Variants in COX16 observed in about 807,000 individuals in gnomAD.
COX16 encodes the protein cytochrome c oxidase assembly factor COX16, also known as cytochrome c oxidase assembly protein COX16 homolog, mitochondrial.
In COX16, 12 loss-of-function variants were observed where a neutral mutation model predicts 15.4. The ratio of observed to expected loss-of-function variants is 0.78; its 90% CI spans 0.50 to 1.26. COX16 has a LOEUF of 1.26. Ranked by LOEUF, COX16 falls within the 50% of genes most tolerant of loss-of-function variation. COX16 has a pLI of 0.00. For synonymous variants in COX16, 46 were observed against 41.1 expected, an observed-to-expected ratio of 1.12 and a Z score of -0.46; for missense variants, 124 against 127.6, an observed-to-expected ratio of 0.97 and a Z score of 0.14.
intron 2 of COX16, among the ~76,000 whole-genome samples, chr14:70,336,677 A>C (rs980899141): frequency 3.3e-5 from 5 of 152,194 alleles, no homozygotes; most frequent in Admixed American, 6.5e-5. Flanking sequence ...TATTATTGAG[A>C]GATATATCTG....
chr14:70,343,371 C>G (rs1268145409), intron 1 of COX16, among the ~76,000 whole-genome samples: 1 of 152,188 alleles, frequency 6.6e-6, no homozygotes, highest in East Asian at 1.9e-4. Flanking sequence ...TTTCTTTGTT[C>G]AAATAAACTC....
At chr14:70,350,547 A>G (rs533273199) in intron 1 of COX16, among the ~76,000 whole-genome samples, 1 of 152,352 alleles carries the variant, frequency 6.6e-6, no homozygotes, top group Non-Finnish European at 1.5e-5. Flanking sequence ...CAGCTAACTA[A>G]GAGTTATCTT....
chr14:70,328,686 ATTG>A (rs1471465326), intron 3 of COX16, among the ~76,000 whole-genome samples: 5 of 152,308 alleles, frequency 3.3e-5, no homozygotes, highest in African/African-American at 7.2e-5. Flanking sequence ...GAACAAATGA[ATTG>A]TTGAACTTTT....
At chr14:70,346,209 G>C (rs779353753) in intron 1 of COX16, among the ~76,000 whole-genome samples, 2 of 152,188 alleles carry the variant, frequency 1.3e-5, no homozygotes, top group African/African-American at 2.4e-5. Flanking sequence ...GAAGCTTGAT[G>C]ATGGCCCTCA....
intron 2 of COX16, among the ~76,000 whole-genome samples, chr14:70,340,956 T>C (rs1594916540): frequency 6.6e-6 from 1 of 152,178 alleles, no homozygotes; most frequent in South Asian, 2.1e-4. Flanking sequence ...TCTGGGTACA[T>C]TTTTTTAATT....
intron 2 of COX16, among the ~76,000 whole-genome samples, chr14:70,341,515 T>C (rs574370380): frequency 6.6e-6 from 1 of 152,298 alleles, no homozygotes; most frequent in Admixed American, 6.5e-5. Flanking sequence ...AAACCAGAGT[T>C]CTTATGTGTC....
chr14:70,353,218 G>A (rs1284653175), intron 1 of COX16, among the ~76,000 whole-genome samples: 53 of 143,568 alleles, frequency 3.7e-4, no homozygotes, highest in Non-Finnish European at 4.8e-4. Context: ...CCAAGACTGC[G>A]CCACTGTACT....
chr14:70,330,642 G>A (rs1242581653), intron 2 of COX16, among the ~76,000 whole-genome samples: 2 of 152,126 alleles, frequency 1.3e-5, no homozygotes, highest in Non-Finnish European at 2.9e-5. Context: ...TTCCAGAAAG[G>A]CGAAGTTAAT....
intron 1 of COX16, among the ~76,000 whole-genome samples, chr14:70,348,909 T>C (rs1318982646): frequency 1.3e-5 from 2 of 152,052 alleles, no homozygotes; most frequent in African/African-American, 2.4e-5. Flanking sequence ...GCAGATCAGG[T>C]AGCCAAACAA....
rs1886075220 is a variant in COX16, at chr14:70,326,373, T to TGGAGGAGGTCAGGATCTTCCC, written c.260_280dup (p.Leu93_Gln94insArgGluAspProAspLeuLeu). On this transcript the variant is annotated inframe_insertion, in exon 4 of 4. Transcript: ENST00000389912. ...CTTAAGGCTTTCTGGATTTCTTCCTTGGAGGAGGTCAGGATCTTCCCAAGG... is the reference window on the plus strand; with the variant it reads ...CTTAAGGCTTTCTGGATTTCTTCCTTGGAGGAGGTCAGGATCTTCCCGGAGGAGGTCAGGATCTTCCCAAGG... 1 of 1,590,604 alleles carries TGGAGGAGGTCAGGATCTTCCC rather than the reference T, an allele frequency of 6.3e-7. No individual in the cohort carries two copies. Among genetic ancestry groups the TGGAGGAGGTCAGGATCTTCCC allele is most frequent in the Non-Finnish European group, 8.6e-7 (1 of 1,168,226 alleles).
At chr14:70,337,383 A>C (rs530328045) in intron 2 of COX16, among the ~76,000 whole-genome samples, 2 of 152,216 alleles carry the variant, frequency 1.3e-5, no homozygotes, top group South Asian at 4.2e-4. Flanking sequence ...AACAGAGAGG[A>C]TAGCCTAAGT....
At chr14:70,344,951 C>T (rs960255037) in intron 1 of COX16, among the ~76,000 whole-genome samples, 11 of 150,670 alleles carry the variant, frequency 7.3e-5, no homozygotes, top group East Asian at 3.9e-4. Context: ...TGCACCCACG[C>T]GCTCATCAAA....
At chr14:70,356,322 T>C (rs1441112938) in intron 1 of COX16, among the ~76,000 whole-genome samples, 1 of 152,040 alleles carries the variant, frequency 6.6e-6, no homozygotes, top group African/African-American at 2.4e-5. Context: ...CAGTTCACAA[T>C]AGGACTCGTG....
chr14:70,343,237 G>T (rs1446239430), intron 1 of COX16, among the ~76,000 whole-genome samples: 2 of 152,184 alleles, frequency 1.3e-5, no homozygotes, highest in Non-Finnish European at 2.9e-5. Context: ...TAAGGCAGAT[G>T]CCTAGCTATA....
At chr14:70,348,109 C>T (rs965634270) in intron 1 of COX16, among the ~76,000 whole-genome samples, 1 of 152,142 alleles carries the variant, frequency 6.6e-6, no homozygotes, top group African/African-American at 2.4e-5. Context: ...TCCAGGTTAT[C>T]GCCTACCTCT....
intron 2 of COX16, among the ~76,000 whole-genome samples, chr14:70,335,603 T>TAAAAAAAAAAAAA (rs58611844): frequency 7.3e-6 from 1 of 136,804 alleles, no homozygotes; most frequent in Non-Finnish European, 1.6e-5. Flanking sequence ...ACCAAAGAGT[T>TAAAAAAAAAAAAA]AAAAAAAAAA....
chr14:70,342,103 A>G (rs1886641524), intron 2 of COX16, among the ~76,000 whole-genome samples: 1 of 152,208 alleles, frequency 6.6e-6, no homozygotes, highest in Admixed American at 6.5e-5. Flanking sequence ...ATCAGATCAT[A>G]TTTTGTGGGA....
At chr14:70,343,466 A>AT (rs1173058497) in intron 1 of COX16, among the ~76,000 whole-genome samples, 1 of 152,130 alleles carries the variant, frequency 6.6e-6, no homozygotes, top group Non-Finnish European at 1.5e-5. Flanking sequence ...AAAACTTGCC[A>AT]TTTTTTCCTT....
intron 2 of COX16, among the ~76,000 whole-genome samples, chr14:70,342,336 C>T (rs1886648009): frequency 6.6e-6 from 1 of 152,108 alleles, no homozygotes; most frequent in African/African-American, 2.4e-5. Context: ...ATCTCAGCTA[C>T]TCGGGAGGCT....
Sources: allele counts gnomAD v4.1 joint callset (sites outside exome capture counted in the v4.1 genomes callset), GRCh38; gene constraint gnomAD v4.1.1; transcripts MANE v1.5; gene names NCBI Gene and HGNC (gene_info 2026-07-23, HGNC 2026-07-21).